UNC5D: variants seen among roughly 807,000 people sequenced by gnomAD.
UNC5D encodes the protein netrin receptor UNC5D.
In UNC5D, 39 loss-of-function variants were observed where a neutral mutation model predicts 105.4. That is an observed-to-expected ratio of 0.37 (90% confidence interval 0.29 to 0.48). UNC5D has a LOEUF of 0.48. Among genes scored for constraint, UNC5D ranks in the 20% least tolerant of loss-of-function variants. The pLI is 0.98. For synonymous variants in UNC5D, 452 were observed against 450.4 expected (o/e 1.00, Z -0.04); for missense variants, 991 against 1,202.4 (o/e 0.82, Z 2.60).
At chr8:35,657,219 G>A (rs1823835813) in intron 4 of UNC5D, among the ~76,000 whole-genome samples, 1 of 148,616 alleles carries the variant, frequency 6.7e-6, no homozygotes, top group Non-Finnish European at 1.5e-5. Context: ...TTATTTGTTT[G>A]TTGCACCTTG....
chr8:35,448,152 C>G (rs1807920462), intron 1 of UNC5D, among the ~76,000 whole-genome samples: 1 of 152,000 alleles, frequency 6.6e-6, no homozygotes, highest in African/African-American at 2.4e-5. Flanking sequence ...AATATATATT[C>G]TATTCATACT....
At chr8:35,488,336 G>C (rs1810965980) in intron 1 of UNC5D, among the ~76,000 whole-genome samples, 1 of 152,150 alleles carries the variant, frequency 6.6e-6, no homozygotes, top group Non-Finnish European at 1.5e-5. Context: ...TAAAGGATGG[G>C]ACAATAGAGC....
intron 3 of UNC5D, among the ~76,000 whole-genome samples, chr8:35,590,477 C>A (rs1228540288): frequency 6.6e-6 from 1 of 152,080 alleles, no homozygotes; most frequent in Non-Finnish European, 1.5e-5. Context: ...CATCTTAATA[C>A]CTTTTCCCAC....
At chr8:35,503,388 AAGCCATC>A (rs1261507997) in intron 1 of UNC5D, among the ~76,000 whole-genome samples, 1 of 152,120 alleles carries the variant, frequency 6.6e-6, no homozygotes, top group Non-Finnish European at 1.5e-5. Flanking sequence ...ACCCCCTATA[AAGCCATC>A]AGATCTCCTG....
intron 4 of UNC5D, among the ~76,000 whole-genome samples, chr8:35,672,011 A>G (rs569991681): frequency 3.3e-4 from 50 of 152,242 alleles, no homozygotes; most frequent in African/African-American, 1.1e-3. Flanking sequence ...TTTCCTTTGG[A>G]TATCATTACA....
At chr8:35,248,976 T>TG in intron 1 of UNC5D, among the ~76,000 whole-genome samples, 1 of 88,606 alleles carries the variant, frequency 1.1e-5, no homozygotes, top group Non-Finnish European at 2.0e-5. Context: ...ATATTATATA[T>TG]TTTTATATAA....
At chr8:35,606,500 G>A in intron 4 of UNC5D, among the ~76,000 whole-genome samples, 1 of 152,046 alleles carries the variant, frequency 6.6e-6, no homozygotes, top group Non-Finnish European at 1.5e-5. Flanking sequence ...ACAAGAGTTT[G>A]GTGTACAGAT....
intron 15 of UNC5D, among the ~76,000 whole-genome samples, chr8:35,769,566 C>A (rs777646069): frequency 3.3e-5 from 5 of 152,182 alleles, no homozygotes; most frequent in Non-Finnish European, 7.3e-5. Flanking sequence ...GTAGCTCTGC[C>A]TACAAATGGA....
At chr8:35,406,551 CAA>C (rs1804812730) in intron 1 of UNC5D, among the ~76,000 whole-genome samples, 2 of 152,058 alleles carry the variant, frequency 1.3e-5, no homozygotes, top group Admixed American at 1.3e-4. Context: ...TAAAGAAGTT[CAA>C]AGAGTGAAAG....
chr8:35,677,669 A>T (rs1221960585), intron 4 of UNC5D, among the ~76,000 whole-genome samples: 1 of 152,078 alleles, frequency 6.6e-6, no homozygotes, highest in East Asian at 1.9e-4. Flanking sequence ...GGTTATGAAT[A>T]AAAAAACAGT....
rs1807082063 is a variant in UNC5D, at chr8:35,437,302, AT to A, written c.104-111989del. On this transcript the variant is annotated intron_variant, in intron 1 of 16. Coordinates refer to ENST00000404895, the MANE Select transcript of UNC5D (RefSeq NM_080872.4). The stretch of plus-strand genomic sequence containing the variant: ...ATATTATTGACTTCTTGATTTTTCA[AT>A]GTGTTACATTTCCTCTCCAGCATGG... Among the ~76,000 whole-genome samples the A allele has an allele frequency of 2.0e-5, 3 of 152,178 alleles. No individual in the cohort carries two copies. The East Asian group carries it at 5.8e-4, about 29-fold the overall frequency.
intron 1 of UNC5D, among the ~76,000 whole-genome samples, chr8:35,419,186 A>T (rs1212091969): frequency 6.6e-6 from 1 of 152,148 alleles, no homozygotes; most frequent in East Asian, 1.9e-4. Flanking sequence ...TATGATGCCA[A>T]TCATATGTGG....
chr8:35,325,619 T>A (rs1010739228), intron 1 of UNC5D, among the ~76,000 whole-genome samples: 2 of 152,180 alleles, frequency 1.3e-5, no homozygotes, highest in African/African-American at 4.8e-5. Context: ...TGAACACACA[T>A]ACAATGCGTT....
At chr8:35,544,456 G>C in intron 1 of UNC5D, 1 of 1,613,962 alleles carries the variant, frequency 6.2e-7, no homozygotes, top group South Asian at 1.1e-5. Flanking sequence ...GGATGATCCT[G>C]GTGTTAGTTA....
intron 1 of UNC5D, among the ~76,000 whole-genome samples, chr8:35,408,539 A>T (rs1804954058): frequency 1.3e-5 from 2 of 151,182 alleles, no homozygotes; most frequent in South Asian, 4.2e-4. Flanking sequence ...CCCCTATGAA[A>T]CTGTTTTCTG....
intron 4 of UNC5D, among the ~76,000 whole-genome samples, chr8:35,674,632 A>C (rs984682221): frequency 1.3e-5 from 2 of 152,222 alleles, no homozygotes; most frequent in African/African-American, 2.4e-5. Flanking sequence ...ATCAAAACTC[A>C]CACTATAACC....
chr8:35,410,244 T>C (rs1430301404), intron 1 of UNC5D, among the ~76,000 whole-genome samples: 2 of 152,004 alleles, frequency 1.3e-5, no homozygotes, highest in Non-Finnish European at 2.9e-5. Flanking sequence ...CTAATTTTGC[T>C]TTTTCTCCCC....
chr8:35,253,489 T>G (rs1306390569), intron 1 of UNC5D, among the ~76,000 whole-genome samples: 1 of 139,014 alleles, frequency 7.2e-6, no homozygotes, highest in African/African-American at 2.7e-5. Context: ...TTTTTTTTTT[T>G]TTTTTCTTTT....
At chr8:35,467,037 C>A (rs577018091) in intron 1 of UNC5D, among the ~76,000 whole-genome samples, 17 of 152,240 alleles carry the variant, frequency 1.1e-4, no homozygotes, top group South Asian at 4.2e-4. Flanking sequence ...GACTCTTTGA[C>A]AAGGGGTGAA....
Sources: gnomAD v4.1 joint callset for allele counts (sites outside exome capture counted in the v4.1 genomes callset) on GRCh38, gnomAD v4.1.1 for gene constraint, MANE v1.5 for transcripts, NCBI Gene and HGNC (gene_info 2026-07-23, HGNC 2026-07-21) for gene names.